The following KCTD8 variants were observed in gnomAD, a reference collection of about 807,000 sequenced individuals.
KCTD8 encodes the protein BTB/POZ domain-containing protein KCTD8.
In KCTD8, 27 loss-of-function variants were observed where a neutral mutation model predicts 31.5. That is an observed-to-expected ratio of 0.86 (90% CI 0.63 to 1.18). The LOEUF is 1.18. Ranked by LOEUF, KCTD8 falls within the 50% of genes most tolerant of loss-of-function variation. The probability of loss-of-function intolerance (pLI) is 0.00; values close to 1 mark genes in which losing one functional copy is unlikely to be tolerated. For synonymous variants in KCTD8, 290 were observed against 280.0 expected (o/e 1.04, Z -0.36); for missense variants, 658 against 647.7 (o/e 1.02, Z -0.17).
intron 1 of KCTD8, among the ~76,000 whole-genome samples, chr4:44,426,308 C>G (rs1440349162): frequency 1.5e-5 from 2 of 132,066 alleles, no homozygotes; most frequent in Admixed American, 8.1e-5. Flanking sequence ...AGAAATCAAA[C>G]CCACCAAAAA....
chr4:44,316,621 C>G (rs1219223041), intron 1 of KCTD8, among the ~76,000 whole-genome samples: 1 of 151,640 alleles, frequency 6.6e-6, no homozygotes, highest in Non-Finnish European at 1.5e-5. Context: ...TGAGGTATGT[C>G]AGCAGGTAAT....
At chr4:44,412,010 A>C (rs1720972190) in intron 1 of KCTD8, among the ~76,000 whole-genome samples, 1 of 152,184 alleles carries the variant, frequency 6.6e-6, no homozygotes, top group South Asian at 2.1e-4. Context: ...TCTACTACGC[A>C]TGGATTACAG....
intron 1 of KCTD8, among the ~76,000 whole-genome samples, chr4:44,208,725 T>C (rs1425449305): frequency 6.6e-6 from 1 of 152,164 alleles, no homozygotes; most frequent in African/African-American, 2.4e-5. Context: ...GTCCTCATAA[T>C]ACTCAACTGG....
chr4:44,404,612 C>A (rs1051304261), intron 1 of KCTD8, among the ~76,000 whole-genome samples: 1 of 152,140 alleles, frequency 6.6e-6, no homozygotes, highest in Admixed American at 6.5e-5. Context: ...GGGCTAGAGA[C>A]AGAATTCAGA....
chr4:44,201,413 TA>T (rs1423842624), intron 1 of KCTD8, among the ~76,000 whole-genome samples: 1 of 151,846 alleles, frequency 6.6e-6, no homozygotes, highest in African/African-American at 2.4e-5. Context: ...AAGTATACCA[TA>T]AGGCTATAAT....
chr4:44,430,725 C>T (rs144933233), intron 1 of KCTD8, among the ~76,000 whole-genome samples: 116 of 151,604 alleles, frequency 7.7e-4, no homozygotes, highest in African/African-American at 2.5e-3. Context: ...TAATATCCAA[C>T]GTAATATAAT....
At chr4:44,176,860 C>CATCTATCTATCTATCTATCT (rs58202328) in intron 1 of KCTD8, among the ~76,000 whole-genome samples, 5,811 of 148,416 alleles carry the variant, frequency 0.039, 117 homozygotes, top group East Asian at 0.062. Context: ...TATATGTCTA[C>CATCTATCTATCTATCTATCT]ATCTATCTAT....
At chr4:44,326,489 C>T (rs1478327754) in intron 1 of KCTD8, among the ~76,000 whole-genome samples, 1 of 151,736 alleles carries the variant, frequency 6.6e-6, no homozygotes, top group Non-Finnish European at 1.5e-5. Flanking sequence ...ATTTTACTAA[C>T]CTGAAGGGTT....
At position 44,321,667 on chromosome 4, in the gene KCTD8, C is replaced by T. The variant is rs189558204; in HGVS notation, c.961+125896G>A. Among the ~76,000 whole-genome samples, 812 of 152,134 alleles carry T rather than the reference C, an allele frequency of 5.3e-3. 12 individuals carry two copies. Among genetic ancestry groups the T allele is most frequent in the African/African-American group, 0.018 (755 of 41,518 alleles). The stretch of plus-strand genomic sequence containing the variant: ...CAATAAATTATTGTTAAGTATAATT[C>T]CCCTACTGTACTATTGAATACTAGA... On this transcript the variant is annotated intron_variant, in intron 1 of 1. Transcript: ENST00000360029.
intron 1 of KCTD8, among the ~76,000 whole-genome samples, chr4:44,356,001 A>G (rs1176198111): frequency 6.6e-6 from 1 of 152,174 alleles, no homozygotes; most frequent in African/African-American, 2.4e-5. Flanking sequence ...CTAAACTTAG[A>G]ATACGGTTGT....
intron 1 of KCTD8, among the ~76,000 whole-genome samples, chr4:44,176,972 G>T (rs148481974): frequency 0.014 from 2,124 of 152,054 alleles, 26 homozygotes; most frequent in South Asian, 0.032. Flanking sequence ...AAATGCTAAT[G>T]CTTATAATTG....
At chr4:44,355,609 A>T (rs1453123371) in intron 1 of KCTD8, among the ~76,000 whole-genome samples, 1 of 152,180 alleles carries the variant, frequency 6.6e-6, no homozygotes, top group African/African-American at 2.4e-5. Context: ...TTTGCCATGA[A>T]GAAATTGTTC....
chr4:44,335,124 T>A (rs1304710078), intron 1 of KCTD8, among the ~76,000 whole-genome samples: 7 of 152,112 alleles, frequency 4.6e-5, no homozygotes, highest in Non-Finnish European at 1.0e-4. Context: ...AAGTTACATA[T>A]AACAGATGTA....
chr4:44,389,466 G>A (rs932032043), intron 1 of KCTD8, among the ~76,000 whole-genome samples: 1 of 151,556 alleles, frequency 6.6e-6, no homozygotes, highest in Non-Finnish European at 1.5e-5. Context: ...CTATGCTATG[G>A]GAAATAATTT....
At chr4:44,186,660 G>A (rs1713599063) in intron 1 of KCTD8, among the ~76,000 whole-genome samples, 1 of 152,190 alleles carries the variant, frequency 6.6e-6, no homozygotes. Context: ...CTCCCCCTAG[G>A]GGTTTTGAGC....
At chr4:44,419,357 G>C (rs1401968807) in intron 1 of KCTD8, among the ~76,000 whole-genome samples, 1 of 152,086 alleles carries the variant, frequency 6.6e-6, no homozygotes, top group Non-Finnish European at 1.5e-5. Context: ...AAGGGCCAGG[G>C]GCCAGTTATA....
rs1000052356 is a variant in KCTD8, at chr4:44,387,131, C to T, written c.961+60432G>A. ...AACAAACTCTCATTCACAATTGCCA[C>T]ATAAATAATAAAATACCTAGAACTA... On this transcript the variant is annotated intron_variant, in intron 1 of 1. Transcript: ENST00000360029. 3.3e-5 allele frequency among the ~76,000 whole-genome samples: 5 copies of T among 151,464 alleles called. No individual in the cohort carries two copies. In the Admixed American group the frequency reaches 3.3e-4, roughly 10 times the overall value.
intron 1 of KCTD8, among the ~76,000 whole-genome samples, chr4:44,369,888 T>G (rs1283930646): frequency 1.3e-5 from 2 of 152,170 alleles, no homozygotes; most frequent in Non-Finnish European, 2.9e-5. Flanking sequence ...TCCTGAGCAC[T>G]TACAGTTTTG....
chr4:44,271,902 G>A (rs1214038208), intron 1 of KCTD8, among the ~76,000 whole-genome samples: 1 of 151,946 alleles, frequency 6.6e-6, no homozygotes, highest in African/African-American at 2.4e-5. Flanking sequence ...CACTCCACAA[G>A]CTATATTTCT....
Sources: allele counts gnomAD v4.1 joint callset (sites outside exome capture counted in the v4.1 genomes callset), GRCh38; gene constraint gnomAD v4.1.1; transcripts MANE v1.5; gene names NCBI Gene and HGNC (gene_info 2026-07-23, HGNC 2026-07-21).